The following SHISA9 variants were observed in gnomAD, a reference collection of about 807,000 sequenced individuals.
The protein encoded by SHISA9 is shisa family member 9, also known as protein shisa-9.
Under a neutral mutation model 38.0 loss-of-function variants are expected in SHISA9, and 13 were observed. The observed-to-expected ratio is 0.34, with a 90% CI of 0.22 to 0.54. SHISA9 has a LOEUF of 0.54. SHISA9 is among the 20% of genes least tolerant of loss of function. The probability of loss-of-function intolerance (pLI) is 0.91; values close to 1 mark genes in which losing one functional copy is unlikely to be tolerated. For missense variants in SHISA9, 538 were observed against 575.8 expected, an observed-to-expected ratio of 0.93 and a Z score of 0.67; for synonymous variants, 275 against 242.0, an observed-to-expected ratio of 1.14 and a Z score of -1.27.
chr16:13,087,817 G>C (rs2073730461), intron 2 of SHISA9, among the ~76,000 whole-genome samples: 1 of 151,986 alleles, frequency 6.6e-6, no homozygotes, highest in African/African-American at 2.4e-5. Context: ...CTGTGCAGAA[G>C]CTCTTTAATT....
At chr16:13,374,020 A>G in the SHISA9 span, among the ~76,000 whole-genome samples, 5 of 152,196 alleles carry the variant, frequency 3.3e-5, no homozygotes, top group Admixed American at 3.3e-4. Flanking sequence ...AAGGGGAGGA[A>G]CAGAGACATG....
At chr16:12,950,385 A>G (rs765823156) in intron 2 of SHISA9, among the ~76,000 whole-genome samples, 1 of 152,234 alleles carries the variant, frequency 6.6e-6, no homozygotes, top group Non-Finnish European at 1.5e-5. Context: ...TATACCCAGC[A>G]GTGGGATTCC....
At chr16:13,316,026 AG>A in the SHISA9 span, among the ~76,000 whole-genome samples, 346 of 149,030 alleles carry the variant, frequency 2.3e-3, 3 homozygotes, top group Middle Eastern at 0.014. Context: ...AAAAAAAAAA[AG>A]AGAGAGAGCT....
chr16:12,971,397 G>A (rs765461513), intron 2 of SHISA9, among the ~76,000 whole-genome samples: 1 of 152,208 alleles, frequency 6.6e-6, no homozygotes, highest in African/African-American at 2.4e-5. Context: ...AGCTGGGTTG[G>A]AGAGGCAGGC....
Position 13,203,536 on chromosome 16 carries a change from C to T in SHISA9, c.834C>T (p.Ser278=), listed in dbSNP as rs927667566. The T allele has an allele frequency of 2.0e-6, 3 of 1,535,434 alleles. No homozygotes were observed. The highest frequency in any genetic ancestry group is 1.4e-5 in the African/African-American group (1 of 72,436). ...GAAAAGAGCTCAACAAGTACGCCTC[C>T]TTAAAGGCAGTCGGTAAGTGCCACC... ...PPGKELNKYA[S]LKAVGSSDGD... is the part of the protein sequence containing the mutation. The change falls in exon 3 of 5, where the codon TCC becomes TCT. Residue 278 remains serine (S), a synonymous_variant. Transcript: ENST00000558583.
At chr16:13,026,732 A>G (rs568624193) in intron 2 of SHISA9, among the ~76,000 whole-genome samples, 85 of 152,312 alleles carry the variant, frequency 5.6e-4, no homozygotes, top group Non-Finnish European at 9.1e-4. Context: ...CTACCTGTAA[A>G]TGTGAGTAGT....
intron 2 of SHISA9, among the ~76,000 whole-genome samples, chr16:13,156,324 G>T (rs369733436): frequency 3.1e-4 from 47 of 152,294 alleles, no homozygotes; most frequent in African/African-American, 1.1e-3. Flanking sequence ...TTAGCACTGA[G>T]CCTGGCATGT....
chr16:13,260,004 T>TTTC, the SHISA9 span, among the ~76,000 whole-genome samples: 1 of 122,620 alleles, frequency 8.2e-6, no homozygotes, highest in Non-Finnish European at 1.7e-5. Flanking sequence ...CTTTTCTTTC[T>TTTC]TTCTTTTTTT....
chr16:13,088,737 A>G (rs1009467092), intron 2 of SHISA9, among the ~76,000 whole-genome samples: 5 of 152,212 alleles, frequency 3.3e-5, no homozygotes, highest in African/African-American at 1.2e-4. Flanking sequence ...TTCTAAATAT[A>G]CAATCATGTC....
chr16:12,941,080 A>C (rs1287966758), intron 2 of SHISA9, among the ~76,000 whole-genome samples: 4 of 152,202 alleles, frequency 2.6e-5, no homozygotes, highest in African/African-American at 7.2e-5. Context: ...GGCCAGGTGC[A>C]ATGGCTTATT....
the SHISA9 span, among the ~76,000 whole-genome samples, chr16:13,421,008 G>T: frequency 6.6e-6 from 1 of 152,286 alleles, no homozygotes; most frequent in East Asian, 1.9e-4. Context: ...CAAGGAAAAA[G>T]TCCATTTCCA....
chr16:13,069,574 ATG>A (rs201797318), intron 2 of SHISA9, among the ~76,000 whole-genome samples: 1,605 of 150,630 alleles, frequency 0.011, 29 homozygotes, highest in African/African-American at 0.037. Flanking sequence ...GTGCATGTGT[ATG>A]TGTGTGTACA....
chr16:13,462,623 G>A, the SHISA9 span, among the ~76,000 whole-genome samples: 1 of 151,932 alleles, frequency 6.6e-6, no homozygotes, highest in Non-Finnish European at 1.5e-5. Context: ...TCACGAGTTC[G>A]AAACCAGCCT....
At chr16:13,218,198 C>T (rs2051189822) in intron 4 of SHISA9, among the ~76,000 whole-genome samples, 1 of 152,152 alleles carries the variant, frequency 6.6e-6, no homozygotes, top group African/African-American at 2.4e-5. Flanking sequence ...CAAAGAGGGG[C>T]TTGAGGACTT....
At chr16:13,069,667 G>C (rs1317170362) in intron 2 of SHISA9, among the ~76,000 whole-genome samples, 1 of 152,180 alleles carries the variant, frequency 6.6e-6, no homozygotes, top group African/African-American at 2.4e-5. Flanking sequence ...GTATGTATGT[G>C]TGTGTGTGTA....
intron 2 of SHISA9, among the ~76,000 whole-genome samples, chr16:12,990,964 T>G (rs2072377228): frequency 6.6e-6 from 1 of 152,194 alleles, no homozygotes; most frequent in African/African-American, 2.4e-5. Flanking sequence ...CAATATCAAA[T>G]AGCTTTCCAG....
intron 2 of SHISA9, among the ~76,000 whole-genome samples, chr16:13,173,153 GCACACACA>G (rs10589865): frequency 3.5e-4 from 53 of 150,798 alleles, no homozygotes; most frequent in South Asian, 1.5e-3. Flanking sequence ...ATGCACGTGC[GCACACACA>G]CACACACACA....
At chr16:12,956,315 G>C (rs1364560683) in intron 2 of SHISA9, among the ~76,000 whole-genome samples, 1 of 152,180 alleles carries the variant, frequency 6.6e-6, no homozygotes, top group Non-Finnish European at 1.5e-5. Context: ...ATGAGAAACA[G>C]TATAGAGATA....
chr16:13,048,374 G>A (rs1019072199), intron 2 of SHISA9, among the ~76,000 whole-genome samples: 2 of 152,172 alleles, frequency 1.3e-5, no homozygotes, highest in African/African-American at 2.4e-5. Context: ...TCTCTTGACT[G>A]TGCAATTTCT....
Sources: gnomAD v4.1 joint callset for allele counts (sites outside exome capture counted in the v4.1 genomes callset) on GRCh38, gnomAD v4.1.1 for gene constraint, MANE v1.5 for transcripts, NCBI Gene and HGNC (gene_info 2026-07-23, HGNC 2026-07-21) for gene names.